PAM: variants seen among roughly 807,000 people sequenced by gnomAD.
PAM encodes peptidyl-glycine alpha-amidating monooxygenase.
A neutral mutation model predicts 122.1 loss-of-function variants in PAM; 72 were observed. That is an observed-to-expected ratio of 0.59 (90% CI 0.49 to 0.72). The LOEUF is 0.72. PAM is among the 30% of genes least tolerant of loss of function. The pLI, the probability that PAM is intolerant of heterozygous loss-of-function variation, is 0.00. For missense variants in PAM, 1,106 were observed against 1,183.7 expected, an observed-to-expected ratio of 0.93 and a Z score of 0.96; for synonymous variants, 389 against 404.4, an observed-to-expected ratio of 0.96 and a Z score of 0.46.
At chr5:102,888,417 T>C (rs1310657074) in intron 3 of PAM, among the ~76,000 whole-genome samples, 1 of 151,986 alleles carries the variant, frequency 6.6e-6, no homozygotes, top group Non-Finnish European at 1.5e-5. Context: ...TAACATCACA[T>C]TTAAACAGAT....
At chr5:102,947,940 C>T (rs1043292710) in intron 8 of PAM, among the ~76,000 whole-genome samples, 21 of 152,166 alleles carry the variant, frequency 1.4e-4, no homozygotes, top group African/African-American at 4.8e-4. Flanking sequence ...GTTGATGTTG[C>T]ATTCTTGAGT....
intron 15 of PAM, chr5:102,989,696 CTG>C (rs1773369841): frequency 6.6e-6 from 1 of 152,044 alleles, no homozygotes; most frequent in African/African-American, 2.4e-5. Flanking sequence ...GAGAATGAGA[CTG>C]ATATCTTAGT....
intron 1 of PAM, among the ~76,000 whole-genome samples, chr5:102,814,656 A>C (rs1229002230): frequency 6.7e-6 from 1 of 149,760 alleles, no homozygotes; most frequent in Non-Finnish European, 1.5e-5. Context: ...AAAAGCTATT[A>C]TTGTTTTATT....
chr5:102,914,561 G>A (rs1014692070), intron 5 of PAM, among the ~76,000 whole-genome samples: 7 of 151,994 alleles, frequency 4.6e-5, no homozygotes, highest in African/African-American at 9.7e-5. Flanking sequence ...TATTCTACCC[G>A]AAGAGCATCA....
chr5:102,803,114 T>G, intron 1 of PAM, among the ~76,000 whole-genome samples: 2 of 142,996 alleles, frequency 1.4e-5, no homozygotes, highest in African/African-American at 2.6e-5. Flanking sequence ...CAGAGAGAGA[T>G]TCTGTGTCCA....
rs1468212799 is a variant in PAM at position 102,959,777 on chromosome 5, G to A, written c.906-98G>A. 5.5e-6 allele frequency: 4 copies of A among 721,612 alleles called. No individual in the cohort carries two copies. The East Asian group carries it at 1.0e-4, about 19-fold the overall frequency. 44.7% of individuals were successfully genotyped at this position (721,612 alleles called of 1,614,324 possible). A position where few individuals can be genotyped will look rare whatever the true frequency, so the allele number is the denominator to read the frequency against. On this transcript the variant is annotated intron_variant, in intron 12 of 25. Coordinates refer to ENST00000438793, the MANE Select transcript of PAM (RefSeq NM_001177306.2). Reference sequence around the variant, plus strand: ...ATAAATGCACAATATTTCTACCTTTGAATCCATTGCTGGCAGATCTAAGGG... The same window carrying A: ...ATAAATGCACAATATTTCTACCTTTAAATCCATTGCTGGCAGATCTAAGGG...
chr5:102,826,813 A>G (rs1342372789), intron 1 of PAM, among the ~76,000 whole-genome samples: 5 of 152,226 alleles, frequency 3.3e-5, no homozygotes, highest in African/African-American at 4.8e-5. Context: ...AGGAAGTTCA[A>G]AGACTTTAAC....
At chr5:102,905,493 A>G (rs1412395742) in intron 4 of PAM, among the ~76,000 whole-genome samples, 2 of 151,744 alleles carry the variant, frequency 1.3e-5, no homozygotes, top group Admixed American at 6.6e-5. Context: ...TTAGATTTGA[A>G]TAGTTCAAAA....
chr5:102,834,785 C>A (rs1776478211), intron 1 of PAM, among the ~76,000 whole-genome samples: 1 of 151,998 alleles, frequency 6.6e-6, no homozygotes, highest in Admixed American at 6.6e-5. Flanking sequence ...GGGAAGAGAT[C>A]CCTGGGATGG....
At chr5:102,997,514 C>CAAAAAAA (rs959549316) in intron 16 of PAM, among the ~76,000 whole-genome samples, 1 of 146,242 alleles carries the variant, frequency 6.8e-6, no homozygotes. Context: ...GACCCTGTCT[C>CAAAAAAA]AAAAAAAAAA....
chr5:102,999,213 C>G (rs1039844427), intron 16 of PAM, among the ~76,000 whole-genome samples: 3 of 152,170 alleles, frequency 2.0e-5, no homozygotes, highest in African/African-American at 7.2e-5. Flanking sequence ...GGCTACAGGC[C>G]CCATCCAAGT....
rs1225439191 is a variant in PAM, at chr5:102,806,060, AC to A, written c.-374+50713del. On this transcript the variant is annotated intron_variant, in intron 1 of 25. Coordinates refer to ENST00000438793, the MANE Select transcript of PAM (RefSeq NM_001177306.2). ...TTTGAAATGGTACCTTTTTAAAAAA[AC>A]ATCTAACAAAGCAGCTTTACTGTTG... is the stretch of plus-strand genomic sequence containing the variant. Among the ~76,000 whole-genome samples, 7 of 152,250 alleles carry A rather than the reference AC, an allele frequency of 4.6e-5. No individual in the cohort carries two copies. In the East Asian group the frequency reaches 9.6e-4, roughly 21 times the overall value.
chr5:102,898,230 A>G (rs1368853675), intron 3 of PAM, among the ~76,000 whole-genome samples: 1 of 151,592 alleles, frequency 6.6e-6, no homozygotes, highest in African/African-American at 2.4e-5. Flanking sequence ...CACCATGGCT[A>G]TGTAGATTCA....
At chr5:102,818,213 G>A (rs1770579096) in intron 1 of PAM, among the ~76,000 whole-genome samples, 2 of 151,538 alleles carry the variant, frequency 1.3e-5, no homozygotes, top group South Asian at 4.2e-4. Context: ...CAGAACATAA[G>A]TTGCAGAAGG....
At chr5:102,767,166 T>A (rs1754355803) in intron 1 of PAM, among the ~76,000 whole-genome samples, 1 of 151,866 alleles carries the variant, frequency 6.6e-6, no homozygotes. Context: ...AAATTTACTT[T>A]TCTCTTAGAA....
intron 1 of PAM, among the ~76,000 whole-genome samples, chr5:102,810,914 C>T (rs1767730080): frequency 6.6e-6 from 1 of 152,016 alleles, no homozygotes; most frequent in Non-Finnish European, 1.5e-5. Context: ...TGGAAATAAA[C>T]ATTTTGTCCA....
At chr5:102,857,404 T>C (rs758353180) in intron 1 of PAM, among the ~76,000 whole-genome samples, 2 of 152,160 alleles carry the variant, frequency 1.3e-5, no homozygotes, top group Non-Finnish European at 2.9e-5. Flanking sequence ...TTTTGAAATG[T>C]TTATTCAGAG....
At chr5:102,938,643 T>C (rs1754079051) in intron 7 of PAM, among the ~76,000 whole-genome samples, 1 of 152,162 alleles carries the variant, frequency 6.6e-6, no homozygotes. Flanking sequence ...TATTAACTCA[T>C]TTTTAAAAGC....
chr5:102,984,312 A>G (rs796609210), intron 15 of PAM, among the ~76,000 whole-genome samples: 17 of 152,364 alleles, frequency 1.1e-4, no homozygotes, highest in African/African-American at 3.8e-4. Flanking sequence ...AGAGAAAAAT[A>G]TAACCCAACT....
Sources: gnomAD v4.1 joint callset for allele counts (sites outside exome capture counted in the v4.1 genomes callset) on GRCh38, gnomAD v4.1.1 for gene constraint, MANE v1.5 for transcripts, NCBI Gene and HGNC (gene_info 2026-07-23, HGNC 2026-07-21) for gene names.